The following HERC4 variants were observed in gnomAD, a reference collection of about 807,000 sequenced individuals.
The protein encoded by HERC4 is HECT and RLD domain containing E3 ubiquitin protein ligase 4.
Under a neutral mutation model 124.3 loss-of-function variants are expected in HERC4, and 28 were observed. The observed-to-expected ratio is 0.23, with a 90% CI of 0.17 to 0.31. The LOEUF (loss-of-function observed/expected upper bound fraction) is 0.31, where lower values mean the gene tolerates loss of function less well. HERC4 is among the 10% of genes least tolerant of loss of function. The pLI is 1.00. For synonymous variants in HERC4, 407 were observed against 421.5 expected, an observed-to-expected ratio of 0.97 and a Z score of 0.42; for missense variants, 713 against 1,229.3, an observed-to-expected ratio of 0.58 and a Z score of 6.28.
chr10:67,991,834 A>G (rs1049675366), intron 11 of HERC4, among the ~76,000 whole-genome samples: 4 of 152,240 alleles, frequency 2.6e-5, no homozygotes, highest in Non-Finnish European at 4.4e-5. Flanking sequence ...ATCATTTAAC[A>G]TATCTCTATG....
intron 9 of HERC4, among the ~76,000 whole-genome samples, chr10:68,011,545 C>G (rs1477949358): frequency 6.6e-6 from 1 of 152,184 alleles, no homozygotes; most frequent in Non-Finnish European, 1.5e-5. Context: ...TCTGATGTGA[C>G]CAGGTGCACT....
intron 3 of HERC4, among the ~76,000 whole-genome samples, chr10:68,060,235 G>T (rs1007614474): frequency 6.6e-6 from 1 of 151,830 alleles, no homozygotes; most frequent in Admixed American, 6.6e-5. Context: ...TTGTTTGCTT[G>T]TTTTTGAGAC....
chr10:67,929,731 T>A (rs1169584696), intron 23 of HERC4, among the ~76,000 whole-genome samples: 1 of 151,970 alleles, frequency 6.6e-6, no homozygotes, highest in Non-Finnish European at 1.5e-5. Context: ...TCCAGGCTGG[T>A]CTTGAACTCC....
rs773806237 is a variant in HERC4 at position 67,988,812 on chromosome 10, G to T, written c.1657C>A (p.Pro553Thr). Residue 553 changes from proline to threonine, a missense_variant, in exon 15 of 25, where the codon CCT becomes ACT. Transcript: ENST00000373700. ...VLENWWSVLE[P>T]PLFLKIVELF... Reference sequence around the variant, plus strand: ...TCTACTATCTTGAGGAATAGTGGAGGTTCAAGTACTGACCACCAGTTTTCT... The same window carrying T: ...TCTACTATCTTGAGGAATAGTGGAGTTTCAAGTACTGACCACCAGTTTTCT... The T allele has an allele frequency of 1.9e-6, 3 of 1,594,612 alleles. No homozygotes were observed. The highest frequency in any genetic ancestry group is 2.6e-6 in the Non-Finnish European group (3 of 1,173,688).
intron 3 of HERC4, chr10:68,068,849 C>G (rs1024423675): frequency 6.3e-6 from 1 of 159,932 alleles, no homozygotes. Flanking sequence ...CCCTATTAGT[C>G]TCTTAATCTC....
intron 15 of HERC4, among the ~76,000 whole-genome samples, chr10:67,984,244 G>A (rs988542037): frequency 4.6e-5 from 7 of 150,870 alleles, no homozygotes; most frequent in African/African-American, 1.7e-4. Flanking sequence ...AGAGGCTGCA[G>A]TGAGCCAAGA....
intron 9 of HERC4, among the ~76,000 whole-genome samples, chr10:67,996,337 C>T (rs1343259989): frequency 6.6e-6 from 1 of 151,952 alleles, no homozygotes; most frequent in Non-Finnish European, 1.5e-5. Flanking sequence ...CCACAAGAAA[C>T]AGTCTTGATT....
rs553305051 is a variant in HERC4, at chr10:67,954,465, T to G, written c.2337+130A>C. The G allele has an allele frequency of 1.5e-5, 10 of 656,342 alleles. No individual in the cohort carries two copies. In the South Asian group the frequency reaches 5.1e-4, roughly 33 times the overall value. The allele number at this position is 656,342 out of a possible 1,614,324, so 40.7% of individuals were successfully genotyped here. A position where few individuals can be genotyped will look rare whatever the true frequency, so the allele number is the denominator to read the frequency against. On this transcript the variant is annotated intron_variant, in intron 19 of 24. Coordinates refer to ENST00000373700, the MANE Select transcript of HERC4 (RefSeq NM_015601.4). The stretch of plus-strand genomic sequence containing the variant: ...AGTCCAAAGTTTATAATTTCTCAAA[T>G]TGTAATAAAGCAGATCTTATATGTT...
chr10:68,044,736 C>T (rs2039933315), intron 3 of HERC4, among the ~76,000 whole-genome samples, 173 bp from the exon 4 acceptor site: 1 of 151,988 alleles, frequency 6.6e-6, no homozygotes, highest in South Asian at 2.1e-4. Flanking sequence ...TTGAACTATT[C>T]AACAAATATG....
chr10:67,947,696 T>A (rs1355318190), intron 19 of HERC4, among the ~76,000 whole-genome samples: 1 of 152,178 alleles, frequency 6.6e-6, no homozygotes, highest in Non-Finnish European at 1.5e-5. Context: ...ATAGACCATA[T>A]GTTAGGTCAC....
intron 19 of HERC4, among the ~76,000 whole-genome samples, chr10:67,953,489 A>C (rs1589167068): frequency 6.6e-6 from 1 of 152,228 alleles, no homozygotes; most frequent in African/African-American, 2.4e-5. Context: ...CAAGGTAGCA[A>C]GGAAGGTACC....
chr10:67,922,516 CTTAACA>C lies in HERC4; in HGVS notation c.*409_*414del, dbSNP rs2030324339. 1 of 153,726 alleles carries C rather than the reference CTTAACA, an allele frequency of 6.5e-6. No homozygotes were observed. Among genetic ancestry groups the C allele is most frequent in the South Asian group, 2.0e-4 (1 of 4,968 alleles). 9.5% of individuals were successfully genotyped at this position (153,726 alleles called of 1,614,324 possible). A position where few individuals can be genotyped will look rare whatever the true frequency, so the allele number is the denominator to read the frequency against. On this transcript the variant is annotated 3_prime_UTR_variant, in exon 25 of 25. Transcript: ENST00000373700. ...AGAACATAACTATTTTATTACAAAA[CTTAACA>C]TTATTTACAAAATGAAAAAATAATC...
rs769603334 is a variant in HERC4, at chr10:67,939,695, T to A, written c.2505-41A>T. ...TATGTTTCTGAGAGGAAAAAATTAT[T>A]GGATATTTTGACTATTTTACTTATG... On this transcript the variant is annotated intron_variant, in intron 20 of 24. Coordinates refer to ENST00000373700, the MANE Select transcript of HERC4 (RefSeq NM_015601.4). 20 of 1,225,772 alleles carry A rather than the reference T, an allele frequency of 1.6e-5. No homozygotes were observed. The South Asian group carries it at 2.5e-4, about 15-fold the overall frequency. 75.9% of individuals were successfully genotyped at this position (1,225,772 alleles called of 1,614,324 possible). A position where few individuals can be genotyped will look rare whatever the true frequency, so the allele number is the denominator to read the frequency against.
intron 1 of HERC4, among the ~76,000 whole-genome samples, chr10:68,074,426 G>A (rs1201219911): frequency 6.6e-6 from 1 of 152,088 alleles, no homozygotes; most frequent in Non-Finnish European, 1.5e-5. Flanking sequence ...TAATTCCCAA[G>A]AGTTCTGCAT....
Position 67,956,924 on chromosome 10 carries a change from T to C in HERC4, c.1979A>G (p.Gln660Arg). ...ICTYPFVFDA[Q>R]AKTTLLQTDA... ...GGTCTGTAACAGAGTAGTTTTTGCT[T>C]GGGCATCAAATACAAATGGATATGT... The change falls in exon 17 of 25, where the codon CAA (glutamine) becomes CGA (arginine). Residue 660 changes from glutamine (Q) to arginine (R), a missense_variant. Gln to Arg is a conservative substitution (Grantham distance 43). Coordinates refer to ENST00000373700, the MANE Select transcript of HERC4 (RefSeq NM_015601.4). 1 of 1,604,036 alleles carries C rather than the reference T, an allele frequency of 6.2e-7. No individual in the cohort carries two copies. Among genetic ancestry groups the C allele is most frequent in the Non-Finnish European group, 8.5e-7 (1 of 1,176,412 alleles).
At chr10:67,941,317 AT>A (rs1210411225) in intron 19 of HERC4, among the ~76,000 whole-genome samples, 5 of 152,300 alleles carry the variant, frequency 3.3e-5, no homozygotes, top group Admixed American at 2.0e-4. Flanking sequence ...CTTAAAAAAA[AT>A]ATATCTAGCT....
chr10:68,061,349 T>C lies in HERC4; in HGVS notation c.226+11534A>G, dbSNP rs146175274. 7.3e-3 allele frequency among the ~76,000 whole-genome samples: 1,113 copies of C among 151,706 alleles called. 13 individuals are homozygous for C. Among genetic ancestry groups the C allele is most frequent in the African/African-American group, 0.026 (1,074 of 41,362 alleles). On this transcript the variant is annotated intron_variant, in intron 3 of 24. Coordinates refer to ENST00000373700, the MANE Select transcript of HERC4 (RefSeq NM_015601.4). ...GAGGTCGATACCATCCTGGCTAACA[T>C]GGTGAAACCCCATCTCTACTGAAAA...
chr10:67,977,856 C>A (rs2035688124), intron 15 of HERC4, among the ~76,000 whole-genome samples: 1 of 151,936 alleles, frequency 6.6e-6, no homozygotes, highest in South Asian at 2.1e-4. Context: ...TGTCACATGC[C>A]TGTAGTCCCA....
At chr10:67,971,460 C>G (rs2035229443) in intron 15 of HERC4, among the ~76,000 whole-genome samples, 2 of 151,856 alleles carry the variant, frequency 1.3e-5, no homozygotes, top group Non-Finnish European at 2.9e-5. Context: ...AAGTTCATCT[C>G]AAGAATGCAA....
Sources: allele counts gnomAD v4.1 joint callset (sites outside exome capture counted in the v4.1 genomes callset), GRCh38; gene constraint gnomAD v4.1.1; transcripts MANE v1.5; gene names NCBI Gene and HGNC (gene_info 2026-07-23, HGNC 2026-07-21).